GRM8: variants seen among roughly 807,000 people sequenced by gnomAD.
GRM8 encodes glutamate metabotropic receptor 8.
Under a neutral mutation model 87.2 loss-of-function variants are expected in GRM8, and 47 were observed. The ratio of observed to expected loss-of-function variants is 0.54; its 90% CI spans 0.43 to 0.69. The LOEUF is 0.69. Ranked by LOEUF, GRM8 falls within the 30% of genes least tolerant of loss-of-function variation. The probability of loss-of-function intolerance (pLI) is 0.00; values close to 1 mark genes in which losing one functional copy is unlikely to be tolerated. For synonymous variants in GRM8, 396 were observed against 404.5 expected (o/e 0.98, Z 0.25); for missense variants, 1,019 against 1,139.2 (o/e 0.89, Z 1.52).
In GRM8 at chr7:126,838,604, C is replaced by T. The variant is rs530977533; in HGVS notation, c.1156+63938G>A. Among the ~76,000 whole-genome samples the T allele has an allele frequency of 7.2e-5, 11 of 152,308 alleles. 1 individual carries two copies. In the South Asian group the frequency reaches 2.3e-3, roughly 32 times the overall value. ...ATGCTTTTCTTCTATATCCCACATA[C>T]TACTTTATTAATGCTAAGAAGCACT... On this transcript the variant is annotated intron_variant, in intron 6 of 10. Transcript: ENST00000339582.
At chr7:126,878,678 C>T (rs1005080100) in intron 6 of GRM8, among the ~76,000 whole-genome samples, 1 of 151,948 alleles carries the variant, frequency 6.6e-6, no homozygotes, top group African/African-American at 2.4e-5. Context: ...CGCCATCATG[C>T]CTGGCTAATT....
At chr7:127,125,765 AACACACACACAC>A (rs375563287) in intron 2 of GRM8, among the ~76,000 whole-genome samples, 6 of 141,092 alleles carry the variant, frequency 4.3e-5, no homozygotes, top group South Asian at 2.3e-4. Flanking sequence ...CAAACAACTA[AACACACACACAC>A]ACACACACAC....
intron 3 of GRM8, among the ~76,000 whole-genome samples, chr7:126,965,107 A>AT (rs981084282): frequency 1.4e-4 from 22 of 152,326 alleles, no homozygotes; most frequent in African/African-American, 5.1e-4. Flanking sequence ...GAGTAGAACA[A>AT]TGAGAACACA....
intron 7 of GRM8, among the ~76,000 whole-genome samples, chr7:126,613,874 G>A (rs1799177487): frequency 6.6e-6 from 1 of 152,200 alleles, no homozygotes; most frequent in South Asian, 2.1e-4. Flanking sequence ...AAACAAAGCA[G>A]CCCGGATTCC....
At chr7:126,793,574 A>T (rs1336107247) in intron 6 of GRM8, among the ~76,000 whole-genome samples, 1 of 152,176 alleles carries the variant, frequency 6.6e-6, no homozygotes, top group Non-Finnish European at 1.5e-5. Context: ...CTCTGCGAGG[A>T]TTTACTAGAC....
intron 2 of GRM8, among the ~76,000 whole-genome samples, chr7:127,199,767 T>C (rs1795489177): frequency 6.6e-6 from 1 of 152,186 alleles, no homozygotes; most frequent in South Asian, 2.1e-4. Flanking sequence ...CCAAGAACTG[T>C]ACAGGACCTT....
intron 3 of GRM8, among the ~76,000 whole-genome samples, chr7:127,042,296 G>A (rs1206554738): frequency 8.5e-5 from 13 of 152,268 alleles, no homozygotes; most frequent in Non-Finnish European, 1.2e-4. Context: ...ATTTGAACTG[G>A]GCCAAGTAGA....
intron 7 of GRM8, among the ~76,000 whole-genome samples, chr7:126,704,206 C>G (rs1260030389): frequency 1.3e-5 from 2 of 152,164 alleles, no homozygotes; most frequent in Non-Finnish European, 2.9e-5. Flanking sequence ...CAAATTAATA[C>G]TTTTATAATT....
chr7:126,985,519 T>C (rs1811968449), intron 3 of GRM8, among the ~76,000 whole-genome samples: 1 of 152,232 alleles, frequency 6.6e-6, no homozygotes, highest in Non-Finnish European at 1.5e-5. Context: ...TATAACAGAA[T>C]ACCTGAAACT....
At chr7:127,247,872 T>C (rs758331355) in intron 1 of GRM8, among the ~76,000 whole-genome samples, 28 of 152,156 alleles carry the variant, frequency 1.8e-4, no homozygotes, top group Non-Finnish European at 3.7e-4. Flanking sequence ...ACTGATTTTG[T>C]TTGCAAGTTG....
chr7:126,523,572 G>A lies in GRM8; in HGVS notation c.2430+9380C>T, dbSNP rs559471925. The stretch of plus-strand genomic sequence containing the variant: ...AGTGCAGTGCGCATAATCTCAGCTC[G>A]CTGCAGCCTCCATCTCCCAGGTTCA... On this transcript the variant is annotated intron_variant, in intron 9 of 10. Transcript: ENST00000339582. Among the ~76,000 whole-genome samples the A allele has an allele frequency of 8.0e-5, 12 of 150,532 alleles. No homozygotes were observed. The South Asian group carries it at 1.5e-3, about 18-fold the overall frequency.
At chr7:126,842,060 C>T (rs1042649006) in intron 6 of GRM8, among the ~76,000 whole-genome samples, 1 of 151,164 alleles carries the variant, frequency 6.6e-6, no homozygotes, top group Admixed American at 6.6e-5. Flanking sequence ...AACCATTTAA[C>T]GTTTTTGCCA....
At chr7:126,553,715 C>A (rs755097017) in intron 8 of GRM8, among the ~76,000 whole-genome samples, 1 of 152,146 alleles carries the variant, frequency 6.6e-6, no homozygotes, top group Middle Eastern at 3.4e-3. Flanking sequence ...AACCTAATAC[C>A]CAATTGTATT....
chr7:126,525,580 A>G lies in GRM8; in HGVS notation c.2430+7372T>C, dbSNP rs538584182. ...ACTTTATGTTGACTTTAGGTTTGGA[A>G]ATTATTTGGGACTTTTATAGTAAGA... is the stretch of plus-strand genomic sequence containing the variant. On this transcript the variant is annotated intron_variant, in intron 9 of 10. Coordinates refer to ENST00000339582, the MANE Select transcript of GRM8 (RefSeq NM_000845.3). 5.3e-5 allele frequency among the ~76,000 whole-genome samples: 8 copies of G among 152,256 alleles called. No individual in the cohort carries two copies. The East Asian group carries it at 1.3e-3, about 26-fold the overall frequency.
Position 126,983,084 on chromosome 7 carries a change from T to C in GRM8, c.728-78401A>G, listed in dbSNP as rs142750838. ...GTAACCCCCTTCTTAGCCTGTTGAC[T>C]TAAAGGTAGGAGGAGCCCAAAGTGT... On this transcript the variant is annotated intron_variant, in intron 3 of 10. Coordinates refer to ENST00000339582, the MANE Select transcript of GRM8 (RefSeq NM_000845.3). 8.5e-5 allele frequency among the ~76,000 whole-genome samples: 13 copies of C among 152,298 alleles called. No homozygotes were observed. The East Asian group carries it at 2.3e-3, about 27-fold the overall frequency.
chr7:126,700,761 C>T (rs1255584150), intron 7 of GRM8, among the ~76,000 whole-genome samples: 1 of 152,026 alleles, frequency 6.6e-6, no homozygotes, highest in Non-Finnish European at 1.5e-5. Flanking sequence ...CAAGCAGTTA[C>T]CTTAGCACTC....
intron 6 of GRM8, among the ~76,000 whole-genome samples, chr7:126,771,920 T>C (rs1311109142): frequency 6.6e-6 from 1 of 152,072 alleles, no homozygotes; most frequent in Non-Finnish European, 1.5e-5. Flanking sequence ...CCACAAGACA[T>C]GGGGACTATG....
At chr7:127,217,103 A>G (rs894772459) in intron 2 of GRM8, among the ~76,000 whole-genome samples, 1 of 152,190 alleles carries the variant, frequency 6.6e-6, no homozygotes, top group Non-Finnish European at 1.5e-5. Context: ...TCTGTGGTAT[A>G]CATATGGATG....
intron 7 of GRM8, among the ~76,000 whole-genome samples, chr7:126,748,597 G>T (rs985846221): frequency 7.1e-6 from 1 of 141,544 alleles, no homozygotes; most frequent in South Asian, 2.3e-4. Flanking sequence ...ATCAGAGCAG[G>T]TCGGGTTTTT....
Sources: allele counts gnomAD v4.1 joint callset (sites outside exome capture counted in the v4.1 genomes callset), GRCh38; gene constraint gnomAD v4.1.1; transcripts MANE v1.5; gene names NCBI Gene and HGNC (gene_info 2026-07-23, HGNC 2026-07-21).